LEPROTL1: variants seen among roughly 807,000 people sequenced by gnomAD.
LEPROTL1 encodes leptin receptor overlapping transcript like 1.
LEPROTL1 carries 6 observed loss-of-function variants against 15.4 expected under a neutral mutation model. The observed-to-expected ratio is 0.39, with a 90% CI of 0.21 to 0.77. The LOEUF (loss-of-function observed/expected upper bound fraction) is 0.77. Ranked by LOEUF, LEPROTL1 falls within the 30% of genes least tolerant of loss-of-function variation. The pLI is 0.41. For synonymous variants in LEPROTL1, 56 were observed against 52.6 expected (o/e 1.06, Z -0.28); for missense variants, 128 against 158.1 (o/e 0.81, Z 1.02).
At chr8:30,099,035 C>G (rs570526627) in intron 1 of LEPROTL1, among the ~76,000 whole-genome samples, 2 of 152,294 alleles carry the variant, frequency 1.3e-5, no homozygotes, top group South Asian at 4.1e-4. Flanking sequence ...ATCAGAGATG[C>G]CTTCCCTGGC....
intron 1 of LEPROTL1, chr8:30,096,263 A>C: frequency 1.0e-6 from 1 of 965,906 alleles, no homozygotes; most frequent in Non-Finnish European, 1.2e-6. Context: ...TGGCTTATTC[A>C]TGTATTTTCT....
At chr8:30,111,829 T>A (rs548534494), downstream of LEPROTL1, among the ~76,000 whole-genome samples, 1 of 152,222 alleles carries the variant, frequency 6.6e-6, no homozygotes, top group African/African-American at 2.4e-5. Flanking sequence ...GAGAATTCCT[T>A]TGGAGCAGCA....
At chr8:30,126,219 A>G (rs556737608) in intron 3 of LEPROTL1, among the ~76,000 whole-genome samples, 59 of 152,314 alleles carry the variant, frequency 3.9e-4, no homozygotes, top group African/African-American at 1.3e-3. Context: ...AGACCCCTAG[A>G]TTATACCGTA....
At chr8:30,111,492 G>A (rs1769868950), downstream of LEPROTL1, among the ~76,000 whole-genome samples, 2 of 152,140 alleles carry the variant, frequency 1.3e-5, no homozygotes, top group African/African-American at 2.4e-5. Context: ...ATTTCACTTC[G>A]GCTATGTCAT....
At chr8:30,109,979 C>G (rs1802631145), downstream of LEPROTL1, among the ~76,000 whole-genome samples, 2 of 152,058 alleles carry the variant, frequency 1.3e-5, no homozygotes, top group Non-Finnish European at 2.9e-5. Context: ...GTTTACTACA[C>G]TTTAATGTTG....
At position 30,107,703 on chromosome 8, in the gene LEPROTL1, G is replaced by A; in HGVS notation, c.*1841G>A. 1.0e-6 allele frequency: 1 copy of A among 985,460 alleles called. No individual in the cohort carries two copies. Among genetic ancestry groups the A allele is most frequent in the Non-Finnish European group, 1.2e-6 (1 of 829,936 alleles). The allele number at this position is 985,460 out of a possible 1,614,324, so 61.0% of individuals were successfully genotyped here. ...GGAAGGTGCAGGTACACATGAGTTA[G>A]AGAGCTGGTGAGACAGTTGGGAACT... On this transcript the variant is annotated 3_prime_UTR_variant, in exon 4 of 4. Coordinates refer to ENST00000321250, the MANE Select transcript of LEPROTL1 (RefSeq NM_015344.3).
chr8:30,117,026 A>T (rs1254983689), intron 3 of LEPROTL1, among the ~76,000 whole-genome samples: 1 of 152,168 alleles, frequency 6.6e-6, no homozygotes, highest in Non-Finnish European at 1.5e-5. Context: ...TGGTGATCAG[A>T]AGTATTGAGA....
At chr8:30,097,703 A>T (rs1275264076) in intron 1 of LEPROTL1, among the ~76,000 whole-genome samples, 7 of 139,208 alleles carry the variant, frequency 5.0e-5, no homozygotes, top group African/African-American at 1.7e-4. Context: ...ATATATACAC[A>T]CACACACACA....
chr8:30,099,556 C>T (rs1002826457), intron 1 of LEPROTL1, among the ~76,000 whole-genome samples: 6 of 138,714 alleles, frequency 4.3e-5, no homozygotes, highest in Non-Finnish European at 4.5e-5. Flanking sequence ...GAGTCAAGAT[C>T]GCGCCACTGC....
intron 1 of LEPROTL1, chr8:30,096,125 A>G (rs1244275192): frequency 8.6e-6 from 2 of 232,436 alleles, no homozygotes; most frequent in Non-Finnish European, 7.0e-6. Context: ...GGCGACCCCA[A>G]AGTGCTCCTG....
intron 4 of LEPROTL1, chr8:30,132,855 G>GGAC: frequency 6.4e-7 from 1 of 1,550,482 alleles, no homozygotes; most frequent in Non-Finnish European, 8.7e-7. Context: ...CCAGAGAGAG[G>GGAC]GACGTGACCC....
chr8:30,124,774 G>C (rs370204502), intron 3 of LEPROTL1, among the ~76,000 whole-genome samples: 119 of 152,256 alleles, frequency 7.8e-4, no homozygotes, highest in Middle Eastern at 3.4e-3. Flanking sequence ...AAATAGGGAG[G>C]AAATTACCTT....
chr8:30,130,482 C>T (rs1418566741), intron 3 of LEPROTL1, among the ~76,000 whole-genome samples: 1 of 152,152 alleles, frequency 6.6e-6, no homozygotes, highest in Admixed American at 6.5e-5. Flanking sequence ...ATTGCTACTG[C>T]ATAATTTAGA....
Position 30,117,451 on chromosome 8 carries a change from C to G in LEPROTL1, c.279+12965C>G. 4 of 1,535,710 alleles carry G rather than the reference C, an allele frequency of 2.6e-6. No homozygotes were observed. In the South Asian group the frequency reaches 3.3e-5, roughly 13 times the overall value. On this transcript the variant is annotated intron_variant, in intron 3 of 4. Transcript: ENST00000442880. ...TCTTGCTTCTTCATGGTCCATGATGCCAGCTGAGGTTGTCAGTACAATGAA... is the reference window on the plus strand; with the variant it reads ...TCTTGCTTCTTCATGGTCCATGATGGCAGCTGAGGTTGTCAGTACAATGAA...
At chr8:30,103,317 C>T (rs1802502768) in intron 2 of LEPROTL1, among the ~76,000 whole-genome samples, 1 of 152,076 alleles carries the variant, frequency 6.6e-6, no homozygotes, top group African/African-American at 2.4e-5. Flanking sequence ...GTGGAAGGGT[C>T]CCTGAGAAGC....
At chr8:30,129,248 GTGTTA>G (rs1339409381) in intron 3 of LEPROTL1, among the ~76,000 whole-genome samples, 1 of 152,152 alleles carries the variant, frequency 6.6e-6, no homozygotes, top group Non-Finnish European at 1.5e-5. Flanking sequence ...GACCCTCACT[GTGTTA>G]TGTTCTGAGT....
At chr8:30,114,714 A>G (rs550314982) in intron 3 of LEPROTL1, among the ~76,000 whole-genome samples, 1 of 152,334 alleles carries the variant, frequency 6.6e-6, no homozygotes, top group African/African-American at 2.4e-5. Context: ...AACGACTCCC[A>G]TATCTCAGGG....
intron 3 of LEPROTL1, 64 bp from the exon 4 acceptor site, chr8:30,105,682 A>ATTTT: frequency 8.2e-7 from 1 of 1,215,058 alleles, no homozygotes. Flanking sequence ...TAGAGCCTTG[A>ATTTT]TTTTTTTTTT....
chr8:30,104,380 A>G lies in LEPROTL1; in HGVS notation c.173A>G (p.Asp58Gly). 3 of 1,612,268 alleles carry G rather than the reference A, an allele frequency of 1.9e-6. No individual in the cohort carries two copies. Among genetic ancestry groups the G allele is most frequent in the Non-Finnish European group, 2.5e-6 (3 of 1,178,850 alleles). ...TGCATAGCAAGAAGATTAGTGGATGATACAGATGCTATGAGTAACGCTTGT... is the reference window on the plus strand; with the variant it reads ...TGCATAGCAAGAAGATTAGTGGATGGTACAGATGCTATGAGTAACGCTTGT... ...PYCIARRLVD[D>G]TDAMSNACKE... The change falls in exon 3 of 4, where the codon GAT becomes GGT. Residue 58 changes from aspartate (D) to glycine (G), a missense_variant. Transcript: ENST00000321250.
Sources: allele counts gnomAD v4.1 joint callset (sites outside exome capture counted in the v4.1 genomes callset), GRCh38; gene constraint gnomAD v4.1.1; transcripts MANE v1.5; gene names NCBI Gene and HGNC (gene_info 2026-07-23, HGNC 2026-07-21).